CAPN1: variants seen among roughly 807,000 people sequenced by gnomAD.
CAPN1 encodes calpain-1 catalytic subunit.
In CAPN1, 77 loss-of-function variants were observed where a neutral mutation model predicts 105.2. That is an observed-to-expected ratio of 0.73 (90% CI 0.61 to 0.88). The LOEUF is 0.88. Among genes scored for constraint, CAPN1 ranks in the 40% least tolerant of loss-of-function variants. CAPN1 has a pLI of 0.00. For synonymous variants in CAPN1, 355 were observed against 388.8 expected (o/e 0.91, Z 1.02); for missense variants, 833 against 976.6 (o/e 0.85, Z 1.96).
chr11:65,183,419 T>TC (rs17884377), intron 3 of CAPN1, 55 bp from the exon 4 acceptor site: 21,762 of 1,374,914 alleles, frequency 0.016, 443 homozygotes, highest in African/African-American at 0.11. Flanking sequence ...AGCACCCGCT[T>TC]CCCCCCCCGG....
chr11:65,185,204 G>C (rs1948614700), intron 4 of CAPN1, among the ~76,000 whole-genome samples: 1 of 151,892 alleles, frequency 6.6e-6, no homozygotes, highest in Admixed American at 6.6e-5. Flanking sequence ...CCCCACAATG[G>C]GTACAGAAGC....
intron 10 of CAPN1, among the ~76,000 whole-genome samples, chr11:65,199,610 C>A (rs1948838988): frequency 6.6e-6 from 1 of 152,176 alleles, no homozygotes; most frequent in Non-Finnish European, 1.5e-5. Context: ...TTTAGATTTC[C>A]CATCTCTTAG....
chr11:65,197,455 A>G (rs1948806694), intron 10 of CAPN1, among the ~76,000 whole-genome samples: 1 of 151,644 alleles, frequency 6.6e-6, no homozygotes, highest in Non-Finnish European at 1.5e-5. Context: ...CAATGTTTCT[A>G]TAGCTAATTC....
rs1018817327 is a variant in CAPN1 at position 65,209,492 on chromosome 11, G to A, written c.1794+105G>A. 6.1e-6 allele frequency: 6 copies of A among 985,554 alleles called. No homozygotes were observed. The highest frequency in any genetic ancestry group is 1.4e-5 in the South Asian group (1 of 72,236). The allele number at this position is 985,554 out of a possible 1,614,324, so 61.1% of individuals were successfully genotyped here. A position where few individuals can be genotyped will look rare whatever the true frequency, so the allele number is the denominator to read the frequency against. On this transcript the variant is annotated intron_variant, in intron 17 of 21. Coordinates refer to ENST00000279247, the MANE Select transcript of CAPN1 (RefSeq NM_005186.4). This position sits in a 1 kb window ranked among gnomAD's most constrained non-coding sequence, Gnocchi z 4.1. The stretch of plus-strand genomic sequence containing the variant: ...CACAGAGAACAGGACAGAGCCATGC[G>A]GAGTGTGGACACACAGTGCCCCATG...
intron 10 of CAPN1, among the ~76,000 whole-genome samples, chr11:65,195,889 G>C (rs1387351516): frequency 1.3e-5 from 2 of 151,962 alleles, no homozygotes; most frequent in Non-Finnish European, 2.9e-5. Context: ...TTTTGTTGTT[G>C]TTGATTCAGT....
At chr11:65,181,428 C>A, upstream of CAPN1, 1 of 233,456 alleles carries the variant, frequency 4.3e-6, no homozygotes, top group Non-Finnish European at 8.8e-6. The surrounding 1 kb of genome is among the most constrained non-coding windows in gnomAD (Gnocchi z 4.6). Flanking sequence ...CGGCCCCGCG[C>A]CGGGGCTGGC....
At position 65,182,777 on chromosome 11, in the gene CAPN1, C is replaced by T; in HGVS notation, c.76C>T (p.Leu26=). ...AQVQKQRARE[L]GLGRHENAIK... is the part of the protein sequence containing the mutation. ...AGTGCAGAAGCAGCGGGCCAGGGAG[C>T]TGGGCCTGGGCCGCCATGAGAATGC... Residue 26 remains leucine (L), a synonymous_variant, in exon 2 of 22, where the codon CTG becomes TTG. Coordinates refer to ENST00000279247, the MANE Select transcript of CAPN1 (RefSeq NM_005186.4). 1 of 1,579,858 alleles carries T rather than the reference C, an allele frequency of 6.3e-7. No individual in the cohort carries two copies. Among genetic ancestry groups the T allele is most frequent in the Non-Finnish European group, 8.6e-7 (1 of 1,163,592 alleles).
chr11:65,198,725 T>C (rs1335409237), intron 10 of CAPN1, among the ~76,000 whole-genome samples: 1 of 152,182 alleles, frequency 6.6e-6, no homozygotes, highest in Admixed American at 6.5e-5. Flanking sequence ...CTTTGTTTTG[T>C]TTTCTTTTTG....
chr11:65,204,032 A>C (rs1437429177), intron 10 of CAPN1, among the ~76,000 whole-genome samples: 1 of 152,180 alleles, frequency 6.6e-6, no homozygotes, highest in Non-Finnish European at 1.5e-5. Flanking sequence ...CCAGAAATGC[A>C]AGCCCCTGCC....
chr11:65,187,424 A>C (rs1013255335), intron 7 of CAPN1, 126 bp downstream of exon 7: 28 of 669,144 alleles, frequency 4.2e-5, no homozygotes, highest in Non-Finnish European at 6.1e-5. Flanking sequence ...GCAGCACCTT[A>C]TCTCTCTTCT....
intron 11 of CAPN1, among the ~76,000 whole-genome samples, chr11:65,205,321 G>T (rs1948939881): frequency 6.6e-6 from 1 of 152,198 alleles, no homozygotes; most frequent in Non-Finnish European, 1.5e-5. Context: ...TTCACACACT[G>T]CCCTCAAGAC....
At position 65,185,909 on chromosome 11, in the gene CAPN1, C is replaced by G; in HGVS notation, c.457-8C>G. 6.3e-7 allele frequency: 1 copy of G among 1,575,832 alleles called. No homozygotes were observed. Among genetic ancestry groups the G allele is most frequent in the Non-Finnish European group, 8.6e-7 (1 of 1,160,786 alleles). ...AAAGCAGGTACTCACCGTGCCCCTCCCCCACAGCTGTGGCAATTTGGGGAG... is the reference window on the plus strand; with the variant it reads ...AAAGCAGGTACTCACCGTGCCCCTCGCCCACAGCTGTGGCAATTTGGGGAG... On this transcript the variant is annotated splice_polypyrimidine_tract_variant and splice_region_variant and intron_variant, in intron 4 of 21. Coordinates refer to ENST00000279247, the MANE Select transcript of CAPN1 (RefSeq NM_005186.4).
intron 1 of CAPN1, 35 bp downstream of exon 1, chr11:65,182,048 A>G: frequency 6.4e-6 from 1 of 155,122 alleles, no homozygotes; most frequent in South Asian, 1.7e-4. Context: ...GGATTCCTTG[A>G]CCCTGGCCAC....
rs761777058 is a variant in CAPN1 at position 65,210,075 on chromosome 11, C to T, written c.1921C>T (p.Arg641Trp). 24 of 1,612,530 alleles carry T rather than the reference C, an allele frequency of 1.5e-5. No homozygotes were observed. In the African/African-American group the frequency reaches 1.6e-4, roughly 11 times the overall value. ...GGGCAGCATGAGTGCCTACGAGATGCGGATGGCCATTGAGTCGGCAGGTGA... is the reference window on the plus strand; with the variant it reads ...GGGCAGCATGAGTGCCTACGAGATGTGGATGGCCATTGAGTCGGCAGGTGA... ...KSGSMSAYEM[R>W]MAIESAGFKL... The change falls in exon 19 of 22, where the codon CGG becomes TGG. Residue 641 changes from arginine to tryptophan, a missense_variant. Transcript: ENST00000279247. The surrounding 1 kb of genome is among the most constrained non-coding windows in gnomAD (Gnocchi z 4.3).
intron 10 of CAPN1, among the ~76,000 whole-genome samples, chr11:65,193,601 C>T (rs931652629): frequency 7.1e-5 from 10 of 140,708 alleles, no homozygotes; most frequent in South Asian, 6.9e-4. Context: ...GCCGAGGTCG[C>T]GCCACTGCAC....
Position 65,183,424 on chromosome 11 carries a change from C to CA in CAPN1, c.338-50_338-49insA, listed in dbSNP as rs1948577927. The CA allele has an allele frequency of 2.8e-6, 4 of 1,425,506 alleles. No individual in the cohort carries two copies. In the African/African-American group the frequency reaches 5.6e-5, roughly 20 times the overall value. 88.3% of individuals were successfully genotyped at this position (1,425,506 alleles called of 1,614,324 possible). ...GATTCTCCCTAGCACCCGCTTCCCC[C>CA]CCCGGGGCAGGTTGGTAGAGCAGGC... On this transcript the variant is annotated intron_variant, in intron 3 of 21. Transcript: ENST00000279247.
At position 65,210,840 on chromosome 11, in the gene CAPN1, C is replaced by A. The variant is rs1350358894; in HGVS notation, c.2086C>A (p.Leu696Met). 3.8e-5 allele frequency: 61 copies of A among 1,613,624 alleles called. No homozygotes were observed. The highest frequency in any genetic ancestry group is 5.2e-5 in the Non-Finnish European group (61 of 1,179,736). Reference protein sequence around the residue: ...FRFFKTLDTDLDGVVTFDLFK... With the variant: ...FRFFKTLDTDMDGVVTFDLFK... ...ATTTTTCAAAACTCTGGACACAGAT[C>A]TGGATGGAGTTGTGACCTTTGACTT... The change falls in exon 21 of 22, where the codon CTG (leucine) becomes ATG (methionine). Residue 696 changes from leucine to methionine, a missense_variant. Coordinates refer to ENST00000279247, the MANE Select transcript of CAPN1 (RefSeq NM_005186.4). The surrounding 1 kb of genome is among the most constrained non-coding windows in gnomAD (Gnocchi z 4.3).
chr11:65,210,498 G>A lies in CAPN1; in HGVS notation c.2059+46G>A, dbSNP rs771509834. The stretch of plus-strand genomic sequence containing the variant: ...CCCACCCTCCAGCTCCGTCCCAAAC[G>A]CGTCCCCCAGGAGCTGGGGGGAATG... On this transcript the variant is annotated intron_variant, in intron 20 of 21. Coordinates refer to ENST00000279247, the MANE Select transcript of CAPN1 (RefSeq NM_005186.4). The surrounding 1 kb of genome is among the most constrained non-coding windows in gnomAD (Gnocchi z 4.3). 26 of 1,153,352 alleles carry A rather than the reference G, an allele frequency of 2.3e-5. No homozygotes were observed. Among genetic ancestry groups the A allele is most frequent in the Admixed American group, 1.9e-4 (10 of 53,722 alleles). The allele number at this position is 1,153,352 out of a possible 1,614,324, so 71.4% of individuals were successfully genotyped here.
rs1348985011 is a variant in CAPN1, at chr11:65,182,876, G to A, written c.175G>A (p.Glu59Lys). 1 of 1,603,890 alleles carries A rather than the reference G, an allele frequency of 6.2e-7. No homozygotes were observed. The highest frequency in any genetic ancestry group is 1.7e-5 in the Admixed American group (1 of 58,142). ...CLQSGTLFRD[E>K]AFPPVPQSLG... ...GCAGAGTGGGACCCTCTTCCGTGATGAGGCCTTCCCCCCGGTACCCCAGAG... is the reference window on the plus strand; with the variant it reads ...GCAGAGTGGGACCCTCTTCCGTGATAAGGCCTTCCCCCCGGTACCCCAGAG... The change falls in exon 2 of 22, where the codon GAG becomes AAG. Residue 59 changes from glutamate to lysine, a missense_variant. Coordinates refer to ENST00000279247, the MANE Select transcript of CAPN1 (RefSeq NM_005186.4).
Sources: allele counts gnomAD v4.1 joint callset (sites outside exome capture counted in the v4.1 genomes callset), GRCh38; gene constraint gnomAD v4.1.1; non-coding constraint Gnocchi (gnomAD v3.1); transcripts MANE v1.5; gene names NCBI Gene and HGNC (gene_info 2026-07-23, HGNC 2026-07-21).